Variants in IQCM observed in about 807,000 individuals in gnomAD.
The protein encoded by IQCM is IQ motif containing M.
IQCM carries 45 observed loss-of-function variants against 57.6 expected under a neutral mutation model. That is an observed-to-expected ratio of 0.78 (90% CI 0.62 to 1.00). IQCM has a LOEUF of 1.00. IQCM is among the 50% of genes least tolerant of loss of function. The probability of loss-of-function intolerance (pLI) is 0.00; values close to 1 mark genes in which losing one functional copy is unlikely to be tolerated. For synonymous variants in IQCM, 148 were observed against 158.9 expected (o/e 0.93, Z 0.51); for missense variants, 468 against 511.6 (o/e 0.91, Z 0.82).
chr4:149,661,805 T>G (rs1482495830), intron 7 of IQCM, among the ~76,000 whole-genome samples: 1 of 152,094 alleles, frequency 6.6e-6, no homozygotes, highest in Non-Finnish European at 1.5e-5. Flanking sequence ...AATGTCTCCT[T>G]TTTTATTTCA....
intron 10 of IQCM, among the ~76,000 whole-genome samples, chr4:149,560,878 G>T (rs1750057835): frequency 6.6e-6 from 1 of 152,170 alleles, no homozygotes; most frequent in Non-Finnish European, 1.5e-5. Context: ...GACTGCCACA[G>T]TTCTGACAAT....
intron 10 of IQCM, among the ~76,000 whole-genome samples, chr4:149,562,990 T>C (rs1345760325): frequency 6.6e-6 from 1 of 152,196 alleles, no homozygotes; most frequent in African/African-American, 2.4e-5. Context: ...AGTAAAACTT[T>C]AGCCCTTTAA....
chr4:149,364,790 G>T (rs1729722736), intron 13 of IQCM, among the ~76,000 whole-genome samples: 1 of 152,044 alleles, frequency 6.6e-6, no homozygotes, highest in Admixed American at 6.6e-5. Context: ...TTTTCTACAT[G>T]ATATACTTGA....
At chr4:149,446,556 A>G (rs1168983871) in intron 12 of IQCM, among the ~76,000 whole-genome samples, 4 of 151,676 alleles carry the variant, frequency 2.6e-5, no homozygotes, top group East Asian at 3.9e-4. Context: ...ACTAAAACAT[A>G]CGCAAAACCA....
chr4:149,473,832 G>C (rs1003958800), intron 12 of IQCM, among the ~76,000 whole-genome samples: 5 of 152,170 alleles, frequency 3.3e-5, no homozygotes, highest in African/African-American at 1.2e-4. Context: ...GTAGGGACAT[G>C]GATGAAGCTG....
intron 13 of IQCM, among the ~76,000 whole-genome samples, chr4:149,425,433 A>G (rs1734397389): frequency 6.6e-6 from 1 of 152,000 alleles, no homozygotes; most frequent in Non-Finnish European, 1.5e-5. Flanking sequence ...TATAAGTCCC[A>G]GTCTGAGTCC....
intron 8 of IQCM, among the ~76,000 whole-genome samples, chr4:149,599,091 C>CT (rs1754035457): frequency 6.6e-6 from 1 of 152,086 alleles, no homozygotes; most frequent in Admixed American, 6.6e-5. Context: ...AAACTGACAC[C>CT]TATGCTTCGG....
intron 7 of IQCM, chr4:149,665,994 G>A (rs1346193062): frequency 6.6e-6 from 1 of 152,180 alleles, no homozygotes; most frequent in African/African-American, 2.4e-5. Context: ...TTTGGCCACA[G>A]ACAGAAGGCC....
intron 5 of IQCM, among the ~76,000 whole-genome samples, chr4:149,723,106 G>C (rs1311824950): frequency 1.3e-5 from 2 of 151,998 alleles, no homozygotes; most frequent in Non-Finnish European, 2.9e-5. Flanking sequence ...TTGGTGTATA[G>C]CAGTGCTACC....
Position 149,762,956 on chromosome 4 carries a change from T to C in IQCM, c.-48-20217A>G, listed in dbSNP as rs6846405. Among the ~76,000 whole-genome samples, 919 of 152,180 alleles carry C rather than the reference T, an allele frequency of 6.0e-3. 13 individuals carry two copies. Among genetic ancestry groups the C allele is most frequent in the African/African-American group, 0.021 (889 of 41,542 alleles). ...TTTACATGAGGTGCACACATCCTCA[T>C]GTAAATATGTATTGAGAATTGTATG... is the stretch of plus-strand genomic sequence containing the variant. On this transcript the variant is annotated intron_variant, in intron 2 of 13. Coordinates refer to ENST00000636793, the MANE Select transcript of IQCM (RefSeq NM_001363507.2).
chr4:149,476,067 A>G (rs2149739839), intron 12 of IQCM, among the ~76,000 whole-genome samples: 1 of 152,248 alleles, frequency 6.6e-6, no homozygotes, highest in South Asian at 2.1e-4. Flanking sequence ...AACATCCAGT[A>G]AAAAGAAAAA....
intron 11 of IQCM, among the ~76,000 whole-genome samples, chr4:149,552,889 G>T (rs552412368): frequency 1.3e-5 from 2 of 152,214 alleles, no homozygotes; most frequent in Non-Finnish European, 2.9e-5. Context: ...AAATCTAATT[G>T]TTTCACTATC....
At chr4:149,566,903 A>G (rs1192362813) in intron 9 of IQCM, among the ~76,000 whole-genome samples, 2 of 152,198 alleles carry the variant, frequency 1.3e-5, no homozygotes, top group South Asian at 2.1e-4. Context: ...CTAAATTTTG[A>G]CAATGGTAAA....
At chr4:149,696,123 A>C (rs1389846100) in intron 5 of IQCM, among the ~76,000 whole-genome samples, 1 of 151,840 alleles carries the variant, frequency 6.6e-6, no homozygotes, top group Non-Finnish European at 1.5e-5. Flanking sequence ...GCTCTTTCTC[A>C]CCCCATTTTT....
At chr4:149,599,155 T>C (rs774118690) in intron 8 of IQCM, among the ~76,000 whole-genome samples, 2 of 152,128 alleles carry the variant, frequency 1.3e-5, no homozygotes, top group Non-Finnish European at 2.9e-5. Context: ...GAAATAACTT[T>C]TTTAAAAGCA....
rs372525783 is a variant in IQCM at position 149,473,035 on chromosome 4, C to G, written c.1229-39478G>C. On this transcript the variant is annotated intron_variant, in intron 12 of 13. Coordinates refer to ENST00000636793, the MANE Select transcript of IQCM (RefSeq NM_001363507.2). ...CATAAAAACACTAGAAGAAAACCTA[C>G]GCAATACCATTCAGCACATAGGCAT... Among the ~76,000 whole-genome samples the G allele has an allele frequency of 4.6e-5, 7 of 152,154 alleles. No individual in the cohort carries two copies. The South Asian group carries it at 1.0e-3, about 23-fold the overall frequency.
chr4:149,583,584 A>C (rs1056106151), intron 9 of IQCM, among the ~76,000 whole-genome samples: 1 of 151,632 alleles, frequency 6.6e-6, no homozygotes, highest in Non-Finnish European at 1.5e-5. Context: ...ACTGCAAAAA[A>C]ATACATCAAA....
At chr4:149,766,934 C>G (rs2149978254) in intron 2 of IQCM, among the ~76,000 whole-genome samples, 1 of 151,972 alleles carries the variant, frequency 6.6e-6, no homozygotes, top group Non-Finnish European at 1.5e-5. Flanking sequence ...GAAAGTAAAC[C>G]TAATAGTAGT....
chr4:149,611,469 T>A (rs1203969131), intron 8 of IQCM, among the ~76,000 whole-genome samples: 1 of 152,060 alleles, frequency 6.6e-6, no homozygotes, highest in African/African-American at 2.4e-5. Context: ...AAAGAAAGTA[T>A]GGTACATATA....
Sources: allele counts gnomAD v4.1 joint callset (sites outside exome capture counted in the v4.1 genomes callset), GRCh38; gene constraint gnomAD v4.1.1; transcripts MANE v1.5; gene names NCBI Gene and HGNC (gene_info 2026-07-23, HGNC 2026-07-21).